The following PDE8B variants were observed in gnomAD, a reference collection of about 807,000 sequenced individuals.
The protein encoded by PDE8B is phosphodiesterase 8B.
PDE8B carries 26 observed loss-of-function variants against 101.3 expected under a neutral mutation model. That is an observed-to-expected ratio of 0.26 (90% CI 0.19 to 0.36). The LOEUF is 0.36. PDE8B is among the 10% of genes least tolerant of loss of function. The pLI is 1.00. For missense variants in PDE8B, 810 were observed against 1,163.1 expected, an observed-to-expected ratio of 0.70 and a Z score of 4.42; for synonymous variants, 424 against 429.3, an observed-to-expected ratio of 0.99 and a Z score of 0.15.
chr5:77,251,874 TCCTC>T (rs1205208519), intron 1 of PDE8B, among the ~76,000 whole-genome samples: 1 of 152,248 alleles, frequency 6.6e-6, no homozygotes, highest in African/African-American at 2.4e-5. Context: ...ATCTGCCAAA[TCCTC>T]TTCTCATAGT....
intron 10 of PDE8B, among the ~76,000 whole-genome samples, chr5:77,381,890 C>A (rs1231982725): frequency 6.6e-6 from 1 of 152,196 alleles, no homozygotes; most frequent in Non-Finnish European, 1.5e-5. Context: ...CTGTTATACA[C>A]AATTCCCTAG....
intron 1 of PDE8B, among the ~76,000 whole-genome samples, chr5:77,213,668 A>T (rs1400520830): frequency 6.6e-6 from 1 of 152,122 alleles, no homozygotes; most frequent in Admixed American, 6.5e-5. Context: ...AATCTTTACC[A>T]TTTGGTCCTG....
chr5:77,303,542 C>T (rs1770454618), intron 1 of PDE8B, among the ~76,000 whole-genome samples: 1 of 151,530 alleles, frequency 6.6e-6, no homozygotes, highest in African/African-American at 2.4e-5. Flanking sequence ...GCATTCTAGC[C>T]TGGGCAACAG....
intron 14 of PDE8B, among the ~76,000 whole-genome samples, chr5:77,410,107 G>A (rs532480628): frequency 4.5e-4 from 69 of 152,370 alleles, no homozygotes; most frequent in Middle Eastern, 3.4e-3. Flanking sequence ...GGCTCAGCCC[G>A]GGAGGGTTCT....
At chr5:77,364,163 G>A (rs539826541) in intron 10 of PDE8B, among the ~76,000 whole-genome samples, 26 of 152,302 alleles carry the variant, frequency 1.7e-4, no homozygotes, top group South Asian at 6.2e-4. Context: ...AGAGCACCTC[G>A]TCCAGGAGTG....
intron 1 of PDE8B, among the ~76,000 whole-genome samples, chr5:77,226,806 A>G (rs1397145013): frequency 1.3e-5 from 2 of 152,158 alleles, no homozygotes; most frequent in Non-Finnish European, 2.9e-5. Context: ...TCTGCTTTCA[A>G]CCCAGCTATA....
chr5:77,093,399 A>G, the PDE8B span, among the ~76,000 whole-genome samples: 1 of 151,968 alleles, frequency 6.6e-6, no homozygotes, highest in African/African-American at 2.4e-5. Flanking sequence ...TATTTTTTAT[A>G]CTTTTTTTTA....
At chr5:77,175,136 A>C in the PDE8B span, among the ~76,000 whole-genome samples, 19 of 152,254 alleles carry the variant, frequency 1.2e-4, no homozygotes, top group African/African-American at 4.3e-4. Flanking sequence ...AAATTCATGC[A>C]TCCTGAACCT....
the PDE8B span, among the ~76,000 whole-genome samples, chr5:77,094,718 T>C: frequency 6.6e-6 from 1 of 152,186 alleles, no homozygotes; most frequent in African/African-American, 2.4e-5. Context: ...CATCTGCTTC[T>C]GGTGAGGACC....
At chr5:77,194,296 GACTT>G in the PDE8B span, among the ~76,000 whole-genome samples, 1 of 152,146 alleles carries the variant, frequency 6.6e-6, no homozygotes, top group South Asian at 2.1e-4. Context: ...TTCCTTTCTT[GACTT>G]ACTTATTGAG....
chr5:77,127,203 T>C, the PDE8B span, among the ~76,000 whole-genome samples: 5 of 152,130 alleles, frequency 3.3e-5, no homozygotes, highest in Non-Finnish European at 5.9e-5. Context: ...TCATCTCGAA[T>C]TGTAATCCCC....
intron 1 of PDE8B, among the ~76,000 whole-genome samples, chr5:77,258,682 A>G (rs1453129931): frequency 6.6e-6 from 1 of 152,174 alleles, no homozygotes; most frequent in Non-Finnish European, 1.5e-5. Context: ...TCAGGGATCT[A>G]TCACAGCTTT....
intron 1 of PDE8B, among the ~76,000 whole-genome samples, chr5:77,257,186 C>G (rs1238648565): frequency 6.6e-6 from 1 of 151,934 alleles, no homozygotes; most frequent in Non-Finnish European, 1.5e-5. Context: ...AAGTACAAAA[C>G]AAAAAGCAAG....
intron 1 of PDE8B, among the ~76,000 whole-genome samples, chr5:77,258,743 T>C (rs1759735363): frequency 6.6e-6 from 1 of 152,112 alleles, no homozygotes; most frequent in Non-Finnish European, 1.5e-5. Flanking sequence ...TAATCAAAAC[T>C]CCCATCTCCC....
chr5:77,182,053 C>G, the PDE8B span, among the ~76,000 whole-genome samples: 1 of 151,730 alleles, frequency 6.6e-6, no homozygotes, highest in Non-Finnish European at 1.5e-5. Context: ...GGATTGGAGG[C>G]CAGGGAGTTG....
At chr5:77,319,472 T>C (rs980280074) in intron 2 of PDE8B, among the ~76,000 whole-genome samples, 1 of 152,118 alleles carries the variant, frequency 6.6e-6, no homozygotes, top group Non-Finnish European at 1.5e-5. Flanking sequence ...AAATAGATCA[T>C]TGAAAGAGGG....
chr5:77,343,432 G>A lies in PDE8B; in HGVS notation c.798-1421G>A, dbSNP rs543305092. 1.6e-3 allele frequency among the ~76,000 whole-genome samples: 251 copies of A among 152,306 alleles called. 2 individuals are homozygous for A. Among genetic ancestry groups the A allele is most frequent in the African/African-American group, 5.9e-3 (244 of 41,570 alleles). On this transcript the variant is annotated intron_variant, in intron 6 of 21. Transcript: ENST00000264917. ...AGAGCATGTTACTGTACTGAATACT[G>A]TAAATACTTTTAACACAATGGCATT...
At chr5:77,213,562 G>A (rs950435244) in intron 1 of PDE8B, among the ~76,000 whole-genome samples, 1 of 152,136 alleles carries the variant, frequency 6.6e-6, no homozygotes, top group African/African-American at 2.4e-5. Flanking sequence ...TTTTTTTGTA[G>A]ACTAAGCATT....
chr5:77,329,929 G>C (rs904257398), intron 4 of PDE8B, among the ~76,000 whole-genome samples: 1 of 152,168 alleles, frequency 6.6e-6, no homozygotes, highest in South Asian at 2.1e-4. Flanking sequence ...TGGCTGCAAA[G>C]TCTTACCCTC....
Sources: allele counts gnomAD v4.1 joint callset (sites outside exome capture counted in the v4.1 genomes callset), GRCh38; gene constraint gnomAD v4.1.1; transcripts MANE v1.5; gene names NCBI Gene and HGNC (gene_info 2026-07-23, HGNC 2026-07-21).